PTPRD: variants seen among roughly 807,000 people sequenced by gnomAD.
PTPRD encodes protein tyrosine phosphatase receptor type D.
PTPRD carries 34 observed loss-of-function variants against 214.5 expected under a neutral mutation model. The observed-to-expected ratio is 0.16, with a 90% CI of 0.12 to 0.21. The LOEUF is 0.21. PTPRD is among the 10% of genes least tolerant of loss of function. PTPRD has a pLI of 1.00. For synonymous variants in PTPRD, 1,128 were observed against 845.7 expected, an observed-to-expected ratio of 1.33 and a Z score of -5.79; for missense variants, 2,545 against 2,398.7, an observed-to-expected ratio of 1.06 and a Z score of -1.27.
intron 2 of PTPRD, among the ~76,000 whole-genome samples, chr9:10,535,999 G>C (rs775059108): frequency 6.6e-5 from 10 of 152,114 alleles, no homozygotes; most frequent in Non-Finnish European, 1.3e-4. Context: ...AATAATAACC[G>C]TGAAGAGGGT....
chr9:10,373,901 T>C (rs1451205639), intron 2 of PTPRD, among the ~76,000 whole-genome samples: 1 of 152,094 alleles, frequency 6.6e-6, no homozygotes, highest in Non-Finnish European at 1.5e-5. Flanking sequence ...ATCCACTTCA[T>C]TTATTTACAT....
rs539692309 is a variant in PTPRD at position 9,768,441 on chromosome 9, C to T, written c.-367-1590G>A. Among the ~76,000 whole-genome samples the T allele has an allele frequency of 1.1e-4, 16 of 152,152 alleles. No homozygotes were observed. In the Middle Eastern group the frequency reaches 0.01, roughly 97 times the overall value. On this transcript the variant is annotated intron_variant, in intron 5 of 45. Coordinates refer to ENST00000381196, the MANE Select transcript of PTPRD (RefSeq NM_002839.4). ...TAAATGATATTTCTACTCTACCACCCGTCAGTGTAAAAACCTTAGCTTATG... is the reference window on the plus strand; with the variant it reads ...TAAATGATATTTCTACTCTACCACCTGTCAGTGTAAAAACCTTAGCTTATG...
At chr9:10,418,854 C>A (rs112416215) in intron 2 of PTPRD, among the ~76,000 whole-genome samples, 2,206 of 151,930 alleles carry the variant, frequency 0.015, 60 homozygotes, top group African/African-American at 0.05. Context: ...GATTCCTAAG[C>A]CCTCCTAGAA....
intron 11 of PTPRD, among the ~76,000 whole-genome samples, chr9:8,851,240 A>G (rs951813496): frequency 5.3e-5 from 8 of 151,288 alleles, no homozygotes; most frequent in Non-Finnish European, 1.2e-4. Context: ...TCAGTATTTT[A>G]ATTAACTGCT....
intron 5 of PTPRD, among the ~76,000 whole-genome samples, chr9:9,804,480 T>C (rs986571470): frequency 2.6e-5 from 4 of 152,198 alleles, no homozygotes; most frequent in Non-Finnish European, 4.4e-5. Flanking sequence ...AAATTTTATA[T>C]GGCTTTTAAC....
intron 11 of PTPRD, among the ~76,000 whole-genome samples, chr9:8,791,286 C>T (rs974701821): frequency 8.6e-5 from 13 of 151,126 alleles, no homozygotes; most frequent in Admixed American, 7.2e-4. Flanking sequence ...AGTGCAGTGG[C>T]GTGATCTCCG....
chr9:10,211,801 TAAG>T (rs1224455158), intron 3 of PTPRD, among the ~76,000 whole-genome samples: 1 of 151,418 alleles, frequency 6.6e-6, no homozygotes, highest in Non-Finnish European at 1.5e-5. Flanking sequence ...ATCGGAAGAG[TAAG>T]AAGAAGAGAG....
rs188453308 is a variant in PTPRD, at chr9:8,350,606, T to C, written c.4662-8628A>G. On this transcript the variant is annotated intron_variant, in intron 39 of 45. Coordinates refer to ENST00000381196, the MANE Select transcript of PTPRD (RefSeq NM_002839.4). ...TTCATTCTTTGATAAAAATCAACAT[T>C]TAACTTTATAAGCAGATACTGGGCA... Among the ~76,000 whole-genome samples the C allele has an allele frequency of 1.1e-3, 160 of 152,232 alleles. 1 individual carries two copies. Among genetic ancestry groups the C allele is most frequent in the African/African-American group, 3.8e-3 (159 of 41,560 alleles).
chr9:10,310,151 T>C (rs911369884), intron 3 of PTPRD, among the ~76,000 whole-genome samples: 25 of 151,988 alleles, frequency 1.6e-4, no homozygotes, highest in African/African-American at 6.0e-4. Context: ...CATGTAAGAA[T>C]AGTGTAAAGC....
chr9:10,602,572 A>G (rs1440689858), intron 2 of PTPRD, among the ~76,000 whole-genome samples: 1 of 151,890 alleles, frequency 6.6e-6, no homozygotes, highest in Non-Finnish European at 1.5e-5. Context: ...AAGACAAATA[A>G]GAAAATAAAA....
At chr9:10,360,909 T>C (rs1057067670) in intron 2 of PTPRD, among the ~76,000 whole-genome samples, 2 of 152,146 alleles carry the variant, frequency 1.3e-5, no homozygotes, top group Non-Finnish European at 2.9e-5. Context: ...GAGGCCATCC[T>C]GGCTAACACG....
chr9:9,046,242 CAT>C (rs1388169959), intron 10 of PTPRD, among the ~76,000 whole-genome samples: 5 of 152,148 alleles, frequency 3.3e-5, no homozygotes, highest in African/African-American at 4.8e-5. Flanking sequence ...TTTATAAAGA[CAT>C]AGTTTATACA....
intron 9 of PTPRD, among the ~76,000 whole-genome samples, chr9:9,270,479 G>T (rs1267461773): frequency 6.6e-6 from 1 of 151,340 alleles, no homozygotes. Context: ...ACAAAGTGCT[G>T]AGGTGGTGAA....
At chr9:9,299,328 T>C (rs1339056566) in intron 9 of PTPRD, among the ~76,000 whole-genome samples, 3 of 151,710 alleles carry the variant, frequency 2.0e-5, no homozygotes, top group Non-Finnish European at 4.4e-5. Flanking sequence ...TGGCAATGTC[T>C]GGTAACATAT....
intron 7 of PTPRD, among the ~76,000 whole-genome samples, chr9:9,662,330 A>G (rs2096637298): frequency 6.6e-6 from 1 of 151,690 alleles, no homozygotes; most frequent in Admixed American, 6.6e-5. Flanking sequence ...TACCTTAGGT[A>G]GTTAACTTGG....
At chr9:10,568,731 A>G (rs549284615) in intron 2 of PTPRD, among the ~76,000 whole-genome samples, 291 of 152,198 alleles carry the variant, frequency 1.9e-3, no homozygotes, top group Non-Finnish European at 3.3e-3. Context: ...GTAGAAAGCT[A>G]AAACTGGATC....
chr9:8,346,418 T>C (rs1272882795), intron 39 of PTPRD, among the ~76,000 whole-genome samples: 1 of 152,178 alleles, frequency 6.6e-6, no homozygotes, highest in Non-Finnish European at 1.5e-5. Context: ...TGGTTTTGAC[T>C]TTCTGCAATC....
At chr9:8,682,479 TA>T (rs1172780748) in intron 12 of PTPRD, among the ~76,000 whole-genome samples, 2 of 148,080 alleles carry the variant, frequency 1.4e-5, no homozygotes, top group Non-Finnish European at 3.0e-5. Context: ...AGAAATAAAT[TA>T]AAAACCCCTG....
chr9:10,180,897 G>A (rs1027736180), intron 3 of PTPRD, among the ~76,000 whole-genome samples: 1 of 151,600 alleles, frequency 6.6e-6, no homozygotes, highest in African/African-American at 2.4e-5. Flanking sequence ...TCAGAAAATT[G>A]GATTAGAATT....
Sources: gnomAD v4.1 joint callset for allele counts (sites outside exome capture counted in the v4.1 genomes callset) on GRCh38, gnomAD v4.1.1 for gene constraint, MANE v1.5 for transcripts, NCBI Gene and HGNC (gene_info 2026-07-23, HGNC 2026-07-21) for gene names.